AGAP1: variants seen among roughly 807,000 people sequenced by gnomAD.
The protein encoded by AGAP1 is ArfGAP with GTPase domain, ankyrin repeat and PH domain 1.
Under a neutral mutation model 105.3 loss-of-function variants are expected in AGAP1, and 29 were observed. That is an observed-to-expected ratio of 0.28 (90% CI 0.21 to 0.38). The LOEUF is 0.38. Among genes scored for constraint, AGAP1 ranks in the 10% least tolerant of loss-of-function variants. The probability of loss-of-function intolerance (pLI) is 1.00; values close to 1 mark genes in which losing one functional copy is unlikely to be tolerated. For synonymous variants in AGAP1, 509 were observed against 485.9 expected (o/e 1.05, Z -0.63); for missense variants, 998 against 1,165.1 (o/e 0.86, Z 2.09).
At chr2:236,118,855 G>A (rs188341673) in intron 16 of AGAP1, among the ~76,000 whole-genome samples, 84 of 151,856 alleles carry the variant, frequency 5.5e-4, no homozygotes, top group African/African-American at 1.9e-3. Flanking sequence ...CCCCTCTAGC[G>A]GTGCTGCAGA....
intron 16 of AGAP1, among the ~76,000 whole-genome samples, chr2:236,103,520 T>G (rs765899129): frequency 2.6e-5 from 4 of 151,420 alleles, no homozygotes; most frequent in Non-Finnish European, 5.9e-5. Flanking sequence ...TCTTTTCTTT[T>G]TTTTCTTTCT....
At chr2:235,846,791 C>T (rs1308336454) in intron 9 of AGAP1, among the ~76,000 whole-genome samples, 1 of 152,154 alleles carries the variant, frequency 6.6e-6, no homozygotes, top group Non-Finnish European at 1.5e-5. Context: ...CATACTCCAC[C>T]ATGCCTGGCT....
intron 1 of AGAP1, among the ~76,000 whole-genome samples, chr2:235,680,103 T>C (rs1004252986): frequency 6.6e-6 from 1 of 152,234 alleles, no homozygotes; most frequent in African/African-American, 2.4e-5. Context: ...TGAGAGGAAC[T>C]TTAGCTCTAT....
In AGAP1 at chr2:235,843,892, A is replaced by G. The variant is rs918940181; in HGVS notation, c.1050+36561A>G. ...CTTCCAGGCAGCCTCCTGGGCCGCC[A>G]GTGGTGTGGAGCTGGCCGAGAAAGG... is the stretch of plus-strand genomic sequence containing the variant. On this transcript the variant is annotated intron_variant, in intron 9 of 17. Transcript: ENST00000304032. The surrounding 1 kb of genome is among the most constrained non-coding windows in gnomAD (Gnocchi z 5.9). Among the ~76,000 whole-genome samples, 1 of 152,178 alleles carries G rather than the reference A, an allele frequency of 6.6e-6. No homozygotes were observed. Among genetic ancestry groups the G allele is most frequent in the Admixed American group, 6.5e-5 (1 of 15,282 alleles).
intron 1 of AGAP1, among the ~76,000 whole-genome samples, chr2:235,628,053 A>G (rs1202046173): frequency 6.6e-6 from 1 of 152,120 alleles, no homozygotes; most frequent in Non-Finnish European, 1.5e-5. Context: ...CTTACTGGGC[A>G]GGCTTCCCCC....
At chr2:235,894,247 G>A (rs929248929) in intron 10 of AGAP1, among the ~76,000 whole-genome samples, 5 of 152,128 alleles carry the variant, frequency 3.3e-5, no homozygotes, top group Non-Finnish European at 7.3e-5. Context: ...GAGTCAGCTC[G>A]GGGGAAGCAG....
At chr2:235,984,511 G>T (rs2055225964) in intron 13 of AGAP1, among the ~76,000 whole-genome samples, 2 of 133,848 alleles carry the variant, frequency 1.5e-5, no homozygotes, top group Admixed American at 7.7e-5. Context: ...AAAAAAAATA[G>T]ATGCGCAGAT....
intron 16 of AGAP1, among the ~76,000 whole-genome samples, chr2:236,052,761 A>T (rs1200996778): frequency 6.6e-6 from 1 of 152,134 alleles, no homozygotes; most frequent in East Asian, 1.9e-4. Flanking sequence ...AGGGGAGAGG[A>T]TGCCCTTTGT....
At chr2:235,704,983 TTTTTTTTTTTTTTG>T (rs1950463631) in intron 1 of AGAP1, among the ~76,000 whole-genome samples, 1 of 134,150 alleles carries the variant, frequency 7.5e-6, no homozygotes, top group African/African-American at 2.8e-5. Flanking sequence ...TTTTTTTTTT[TTTTTTTTTTTTTTG>T]CGACAGAGTC....
chr2:235,895,719 A>G (rs928733326), intron 10 of AGAP1, among the ~76,000 whole-genome samples: 5 of 143,956 alleles, frequency 3.5e-5, no homozygotes, highest in African/African-American at 8.3e-5. Flanking sequence ...GGATGGATGG[A>G]TGGATGGATG....
At chr2:236,059,743 A>G (rs1011995879) in intron 16 of AGAP1, among the ~76,000 whole-genome samples, 2 of 152,206 alleles carry the variant, frequency 1.3e-5, no homozygotes, top group African/African-American at 4.8e-5. Context: ...TCTTTTTAGG[A>G]AGTGGTGCTG....
At chr2:235,629,268 TTGTGTGTGTG>T (rs60059513) in intron 1 of AGAP1, among the ~76,000 whole-genome samples, 13,647 of 135,662 alleles carry the variant, frequency 0.1, 634 homozygotes, top group South Asian at 0.14. Context: ...GTAGTAGTCA[TTGTGTGTGTG>T]TGTGTGTGTG....
rs2054623144 is a variant in AGAP1 at position 235,971,091 on chromosome 2, C to T, written c.1645+2468C>T. Among the ~76,000 whole-genome samples the T allele has an allele frequency of 6.6e-6, 1 of 152,176 alleles. No homozygotes were observed. Among genetic ancestry groups the T allele is most frequent in the Non-Finnish European group, 1.5e-5 (1 of 68,034 alleles). The stretch of plus-strand genomic sequence containing the variant: ...CAAGGCAGAGGTTCCAAGGGAGCCA[C>T]CTCACTCTCTAATTAGGAGAGTCTG... On this transcript the variant is annotated intron_variant, in intron 13 of 17. Transcript: ENST00000304032. This position sits in a 1 kb window ranked among gnomAD's most constrained non-coding sequence, Gnocchi z 4.8.
intron 1 of AGAP1, among the ~76,000 whole-genome samples, chr2:235,617,919 A>T (rs1456796249): frequency 1.3e-5 from 2 of 152,134 alleles, no homozygotes; most frequent in African/African-American, 4.8e-5. Flanking sequence ...CTAAGATGGC[A>T]GTTGGGGGAC....
In AGAP1 at chr2:235,614,021, C is replaced by T. The variant is rs76375143; in HGVS notation, c.164-95158C>T. 0.14 allele frequency among the ~76,000 whole-genome samples: 20,537 copies of T among 147,050 alleles called. 1,955 individuals carry two copies. Among genetic ancestry groups the T allele is most frequent in the East Asian group, 0.4 (2,075 of 5,126 alleles). On this transcript the variant is annotated intron_variant, in intron 1 of 17. Coordinates refer to ENST00000304032, the MANE Select transcript of AGAP1 (RefSeq NM_001037131.3). This position sits in a 1 kb window ranked among gnomAD's most constrained non-coding sequence, Gnocchi z 4.7. ...ATCTTTGGTATGGTTTTTTTTTTTT[C>T]CCCCTTTTGTGTGTTTTGGCCAAAT...
chr2:235,786,204 G>A (rs1219628614), intron 6 of AGAP1, among the ~76,000 whole-genome samples: 3 of 152,270 alleles, frequency 2.0e-5, no homozygotes, highest in African/African-American at 7.2e-5. Flanking sequence ...CGTCTTGGAA[G>A]ACGCTGATTT....
At chr2:235,768,915 C>T (rs1377448419) in intron 6 of AGAP1, among the ~76,000 whole-genome samples, 1 of 152,148 alleles carries the variant, frequency 6.6e-6, no homozygotes, top group East Asian at 1.9e-4. Context: ...AGAAGAAACA[C>T]CTGCTGCCGA....
At chr2:235,917,949 A>G (rs974159666) in intron 11 of AGAP1, among the ~76,000 whole-genome samples, 8 of 152,236 alleles carry the variant, frequency 5.3e-5, no homozygotes, top group Non-Finnish European at 8.8e-5. Context: ...ATAACGTGAC[A>G]TCAAAACTAG....
Position 235,741,039 on chromosome 2 carries a change from G to A in AGAP1, c.387G>A (p.Pro129=), listed in dbSNP as rs182854140. 9.3e-6 allele frequency: 15 copies of A among 1,614,054 alleles called. No homozygotes were observed. Among genetic ancestry groups the A allele is most frequent in the Admixed American group, 1.7e-5 (1 of 60,034 alleles). ...TGATCAGAGATGAAGGGGGCCCCCC[G>A]GAGGCGCAGGTGAGTATACATGCAT... ...LLLIRDEGGP[P]EAQFAMWVDA... is the part of the protein sequence containing the mutation. Residue 129 remains proline (P), a synonymous_variant, in exon 4 of 18, where the codon CCG becomes CCA. Transcript: ENST00000304032. The surrounding 1 kb of genome is among the most constrained non-coding windows in gnomAD (Gnocchi z 4.9).
Sources: gnomAD v4.1 joint callset for allele counts (sites outside exome capture counted in the v4.1 genomes callset) on GRCh38, gnomAD v4.1.1 for gene constraint, Gnocchi (gnomAD v3.1) non-coding constraint, MANE v1.5 for transcripts, NCBI Gene and HGNC (gene_info 2026-07-23, HGNC 2026-07-21) for gene names.